Variants in ZNF880 observed in about 807,000 individuals in gnomAD.
ZNF880 encodes the protein zinc finger protein LOC400713.
Under a neutral mutation model 11.8 loss-of-function variants are expected in ZNF880, and 12 were observed. The observed-to-expected ratio is 1.02, with a 90% confidence interval of 0.65 to 1.65. The LOEUF (loss-of-function observed/expected upper bound fraction) is 1.65, where lower values mean the gene tolerates loss of function less well. Ranked by LOEUF, ZNF880 falls within the 40% of genes most tolerant of loss-of-function variation. The pLI is 0.00. For missense variants in ZNF880, 601 were observed against 673.9 expected (o/e 0.89, Z 1.20); for synonymous variants, 210 against 232.4 (o/e 0.90, Z 0.88).
Position 52,385,233 on chromosome 19 carries a change from T to C in ZNF880, c.1653T>C (p.His551=), listed in dbSNP as rs375348796. The C allele has an allele frequency of 9.7e-6, 15 of 1,551,824 alleles. No individual in the cohort carries two copies. The highest frequency in any genetic ancestry group is 7.8e-5 in the Admixed American group (4 of 50,980). Residue 551 remains histidine, a synonymous_variant, in exon 4 of 4, where the codon CAT becomes CAC. Transcript: ENST00000422689. ...CTGGGGAGAAACCGTACAGATGTCA[T>C]GAATGTGGTAAGGACTTCACTCGAA... ...IHTGEKPYRC[H]ECGKDFTRNS...
chr19:52,384,537 T>G lies in ZNF880; in HGVS notation c.957T>G (p.Ser319Arg), dbSNP rs1211485106. The change falls in exon 4 of 4, where the codon AGT becomes AGG. Residue 319 changes from serine (S) to arginine (R), a missense_variant. Physicochemically the swap from Ser to Arg is moderately radical, Grantham distance 110 (BLOSUM62 -1). This residue lies in a region of ZNF880 where 420 missense variants were observed against 442.6 expected (regional missense o/e 0.95). Transcript: ENST00000422689. Reference sequence around the variant, plus strand: ...TTGCACGACATCAGAAAATTCATAGTGGAGAGAAACCTTACAAATGTAAGG... The same window carrying G: ...TTGCACGACATCAGAAAATTCATAGGGGAGAGAAACCTTACAAATGTAAGG... Reference protein sequence around the residue: ...AHLARHQKIHSGEKPYKCKEC... With the variant: ...AHLARHQKIHRGEKPYKCKEC... The G allele has an allele frequency of 2.5e-6, 4 of 1,613,866 alleles. No individual in the cohort carries two copies. Among genetic ancestry groups the G allele is most frequent in the Non-Finnish European group, 3.4e-6 (4 of 1,179,948 alleles).
rs756202786 is a variant in ZNF880, at chr19:52,384,175, C to G, written c.595C>G (p.Leu199Val). The stretch of plus-strand genomic sequence containing the variant: ...CAAAGCCTTTAGAGTGTCTTCAAGA[C>G]TTGCTAACAATCAAGTAATCCACAC... ...HGKAFRVSSR[L>V]ANNQVIHTAD... Residue 199 changes from leucine (L) to valine (V), a missense_variant, in exon 4 of 4, where the codon CTT becomes GTT. This residue lies in a region of ZNF880 where 420 missense variants were observed against 442.6 expected (regional missense o/e 0.95). Coordinates refer to ENST00000422689, the MANE Select transcript of ZNF880 (RefSeq NM_001145434.2). 1 of 1,609,878 alleles carries G rather than the reference C, an allele frequency of 6.2e-7. No individual in the cohort carries two copies. Among genetic ancestry groups the G allele is most frequent in the South Asian group, 1.1e-5 (1 of 90,628 alleles).
At chr19:52,393,899 C>G in the ZNF880 span, among the ~76,000 whole-genome samples, 7 of 138,302 alleles carry the variant, frequency 5.1e-5, no homozygotes, top group East Asian at 7.0e-4. Context: ...TGCAGTGGCG[C>G]GATCTCAGCT....
chr19:52,370,288 G>C, intron 1 of ZNF880: 1 of 418,812 alleles, frequency 2.4e-6, no homozygotes. Flanking sequence ...CCCGCGAGAT[G>C]GATCCACGTC....
In ZNF880 at chr19:52,384,200, C is replaced by A; in HGVS notation, c.620C>A (p.Thr207Asn). ...CTTGCTAACAATCAAGTAATCCACA[C>A]TGCAGATAACCCTTACAAATGTAAT... is the stretch of plus-strand genomic sequence containing the variant. ...SRLANNQVIH[T>N]ADNPYKCNEC... is the part of the protein sequence containing the mutation. The change falls in exon 4 of 4, where the codon ACT becomes AAT. Residue 207 changes from threonine to asparagine, a missense_variant. Thr to Asn is a moderately conservative substitution (Grantham distance 65). Transcript: ENST00000422689. The A allele has an allele frequency of 6.2e-7, 1 of 1,611,806 alleles. No individual in the cohort carries two copies. Among genetic ancestry groups the A allele is most frequent in the African/African-American group, 1.3e-5 (1 of 75,008 alleles).
intron 1 of ZNF880, chr19:52,370,269 A>C (rs1986325124): frequency 6.6e-6 from 3 of 452,992 alleles, no homozygotes; most frequent in Admixed American, 3.4e-5. Flanking sequence ...GCGCTGCGTA[A>C]AGTTCTCACC....
chr19:52,381,148 G>A (rs981892655), intron 3 of ZNF880, among the ~76,000 whole-genome samples: 3 of 150,458 alleles, frequency 2.0e-5, no homozygotes, highest in Non-Finnish European at 4.4e-5. Context: ...TGGGGTCCCA[G>A]TGTGTTGCCC....
chr19:52,378,316 A>AT (rs1316817451), intron 3 of ZNF880, among the ~76,000 whole-genome samples: 1 of 151,982 alleles, frequency 6.6e-6, no homozygotes, highest in Non-Finnish European at 1.5e-5. Context: ...CTCTTCTGAG[A>AT]TTTTTACTCA....
At position 52,383,389 on chromosome 19, in the gene ZNF880, C is replaced by G. The variant is rs1035087370; in HGVS notation, c.269-460C>G. Among the ~76,000 whole-genome samples, 3 of 150,560 alleles carry G rather than the reference C, an allele frequency of 2.0e-5. No homozygotes were observed. In the Admixed American group the frequency reaches 2.0e-4, roughly 10 times the overall value. On this transcript the variant is annotated intron_variant, in intron 3 of 3. Transcript: ENST00000422689. ...TTTTGGTTTAGGTTTGGTAAAGCAA[C>G]CACTTCTCCCAGTTATTTTGTGTAA...
chr19:52,377,984 A>C (rs147019384), intron 3 of ZNF880, among the ~76,000 whole-genome samples: 15 of 152,256 alleles, frequency 9.9e-5, no homozygotes, highest in African/African-American at 3.1e-4. Context: ...TGGAGGCTTC[A>C]TCACATAGGT....
At chr19:52,372,700 G>A (rs1317316896) in intron 1 of ZNF880, among the ~76,000 whole-genome samples, 3 of 148,980 alleles carry the variant, frequency 2.0e-5, no homozygotes, top group Admixed American at 2.0e-4. Flanking sequence ...AGGAGATCGA[G>A]ACCATCCTGT....
chr19:52,373,233 T>C lies in ZNF880; in HGVS notation c.135T>C (p.Phe45=), dbSNP rs769200168. 18 of 1,611,744 alleles carry C rather than the reference T, an allele frequency of 1.1e-5. No individual in the cohort carries two copies. In the Middle Eastern group the frequency reaches 9.9e-4, roughly 89 times the overall value. The change falls in exon 2 of 4, where the codon TTT becomes TTC. Residue 45 remains phenylalanine, a synonymous_variant. Coordinates refer to ENST00000422689, the MANE Select transcript of ZNF880 (RefSeq NM_001145434.2). ...VMVENYRNLV[F]LGICLPDLSV... is the part of the protein sequence containing the mutation. ...TGGAGAACTACAGGAACCTGGTCTT[T>C]CTGGGTGAGGATAATGTCCCTTCAG...
the ZNF880 span, among the ~76,000 whole-genome samples, chr19:52,391,876 T>C: frequency 6.6e-6 from 1 of 152,110 alleles, no homozygotes; most frequent in Admixed American, 6.5e-5. Context: ...ACCAAAGTGT[T>C]TTTTCTACTC....
At chr19:52,395,348 T>G in the ZNF880 span, among the ~76,000 whole-genome samples, 1 of 152,238 alleles carries the variant, frequency 6.6e-6, no homozygotes, top group African/African-American at 2.4e-5. Context: ...GTTTGTATGA[T>G]GATTCTGATT....
chr19:52,367,412 A>G (rs1354040902), upstream of ZNF880: 1 of 152,298 alleles, frequency 6.6e-6, no homozygotes, highest in Non-Finnish European at 1.5e-5. Flanking sequence ...GGTGTGAGCC[A>G]CAGCGCCCGG....
the ZNF880 span, among the ~76,000 whole-genome samples, chr19:52,394,464 A>G: frequency 6.7e-6 from 1 of 148,464 alleles, no homozygotes; most frequent in Non-Finnish European, 1.5e-5. Context: ...CAAACTCCTG[A>G]GCTTGAGTGA....
downstream of ZNF880, chr19:52,390,265 C>T (rs2058702855): frequency 3.2e-6 from 1 of 308,988 alleles, no homozygotes; most frequent in South Asian, 2.3e-5. Flanking sequence ...GGTTGATTCC[C>T]GCCCTGGGAG....
the ZNF880 span, chr19:52,396,554 G>A: frequency 6.6e-6 from 1 of 152,206 alleles, no homozygotes; most frequent in African/African-American, 2.4e-5. Flanking sequence ...TGACCCCACT[G>A]TCTGCAGCCA....
chr19:52,377,389 A>T (rs1007199141), intron 3 of ZNF880, among the ~76,000 whole-genome samples: 2 of 152,144 alleles, frequency 1.3e-5, no homozygotes, highest in African/African-American at 4.8e-5. Context: ...ACTTCTGGTC[A>T]ACCGAATGGG....
Sources: allele counts gnomAD v4.1 joint callset (sites outside exome capture counted in the v4.1 genomes callset), GRCh38; gene constraint gnomAD v4.1.1; regional missense constraint gnomAD v4.1.1; transcripts MANE v1.5; gene names NCBI Gene and HGNC (gene_info 2026-07-23, HGNC 2026-07-21).